The following DDX39B variants were observed in gnomAD, a reference collection of about 807,000 sequenced individuals.
DDX39B encodes the protein DExD-box helicase 39B.
In DDX39B, 6 loss-of-function variants were observed where a neutral mutation model predicts 46.4. The ratio of observed to expected loss-of-function variants is 0.13; its 90% CI spans 0.07 to 0.26. The LOEUF (loss-of-function observed/expected upper bound fraction) is 0.26. DDX39B is among the 10% of genes least tolerant of loss of function. The pLI is 1.00. For synonymous variants in DDX39B, 174 were observed against 199.4 expected (o/e 0.87, Z 1.07); for missense variants, 185 against 553.4 (o/e 0.33, Z 6.68).
chr6:31,531,486 G>GA lies in DDX39B; in HGVS notation c.868-82dup. The GA allele has an allele frequency of 8.4e-7, 1 of 1,190,314 alleles. No individual in the cohort carries two copies. Among genetic ancestry groups the GA allele is most frequent in the East Asian group, 2.4e-5 (1 of 41,998 alleles). 73.7% of individuals were successfully genotyped at this position (1,190,314 alleles called of 1,614,324 possible). On this transcript the variant is annotated intron_variant, in intron 7 of 10. Coordinates refer to ENST00000396172, the MANE Select transcript of DDX39B (RefSeq NM_004640.7). This position sits in a 1 kb window ranked among gnomAD's most constrained non-coding sequence, Gnocchi z 5.8. ...GTGAGAGACATTACGTGGGAGAGGGGAGTTTCTAGTAATTACGTTCTCAGG... is the reference window on the plus strand; with the variant it reads ...GTGAGAGACATTACGTGGGAGAGGGGAAGTTTCTAGTAATTACGTTCTCAGG...
rs1767120093 is a variant in DDX39B at position 31,531,226 on chromosome 6, T to C, written c.978-29A>G. 5 of 1,614,078 alleles carry C rather than the reference T, an allele frequency of 3.1e-6. No individual in the cohort carries two copies. The highest frequency in any genetic ancestry group is 4.2e-6 in the Non-Finnish European group (5 of 1,179,954). ...TGTGAGAAAGGAAATTTAAAACATG[T>C]TGAGATTCCCTTCTCTCAACTGTCT... is the stretch of plus-strand genomic sequence containing the variant. On this transcript the variant is annotated intron_variant, in intron 8 of 10. Transcript: ENST00000396172. This position sits in a 1 kb window ranked among gnomAD's most constrained non-coding sequence, Gnocchi z 5.8.
At position 31,535,845 on chromosome 6, in the gene DDX39B, G is replaced by A. The variant is rs1398635070; in HGVS notation, c.617-360C>T. 6.6e-6 allele frequency among the ~76,000 whole-genome samples: 1 copy of A among 152,102 alleles called. No homozygotes were observed. Among genetic ancestry groups the A allele is most frequent in the Non-Finnish European group, 1.5e-5 (1 of 68,006 alleles). On this transcript the variant is annotated intron_variant, in intron 5 of 10. Transcript: ENST00000396172. This position sits in a 1 kb window ranked among gnomAD's most constrained non-coding sequence, Gnocchi z 4.6. ...CACATATTATATTCCAGATATCAGA[G>A]TCCATCTATGACTCTCTGGATTACT...
intron 1 of DDX39B, chr6:31,541,175 T>A (rs373928218): frequency 1.9e-6 from 1 of 533,656 alleles, no homozygotes; most frequent in South Asian, 1.4e-5. Context: ...AAACATCATA[T>A]GGCCGCCGTC....
chr6:31,541,957 G>A lies in DDX39B; in HGVS notation c.-140C>T. ...GCGAAGGCCAAAGCTTACCTAAACA[G>A]GGAGAGCGCGTATGGCGGCAGCAAC... On this transcript the variant is annotated 5_prime_UTR_variant, in exon 1 of 11. Transcript: ENST00000396172. 6.0e-6 allele frequency: 4 copies of A among 671,218 alleles called. No individual in the cohort carries two copies. Among genetic ancestry groups the A allele is most frequent in the East Asian group, 2.7e-5 (1 of 36,596 alleles). The allele number at this position is 671,218 out of a possible 1,614,324, so 41.6% of individuals were successfully genotyped here.
Position 31,531,836 on chromosome 6 carries a change from A to AT in DDX39B, c.868-432_868-431insA. Reference sequence around the variant, plus strand: ...AGTATATTAATTAAACACTTTTTTGAGATGGGGTCTCACTCTGTCCCCCAG... The same window carrying AT: ...AGTATATTAATTAAACACTTTTTTGATGATGGGGTCTCACTCTGTCCCCCAG... On this transcript the variant is annotated intron_variant, in intron 7 of 10. Transcript: ENST00000396172. This position sits in a 1 kb window ranked among gnomAD's most constrained non-coding sequence, Gnocchi z 5.8. 5.8e-6 allele frequency: 1 copy of AT among 171,298 alleles called. No homozygotes were observed. Among genetic ancestry groups the AT allele is most frequent in the Non-Finnish European group, 1.3e-5 (1 of 78,900 alleles). The allele number at this position is 171,298 out of a possible 1,614,324, so 10.6% of individuals were successfully genotyped here.
At chr6:31,538,258 C>T (rs899227906) in intron 4 of DDX39B, among the ~76,000 whole-genome samples, 2 of 151,940 alleles carry the variant, frequency 1.3e-5, no homozygotes, top group Non-Finnish European at 2.9e-5. Context: ...TGGGTTCAAG[C>T]GATTCCCCTG....
chr6:31,535,330 C>T lies in DDX39B; in HGVS notation c.735+37G>A, dbSNP rs201097551. 2.8e-4 allele frequency: 445 copies of T among 1,586,160 alleles called. 5 individuals are homozygous for T. The highest frequency in any genetic ancestry group is 7.3e-5 in the Non-Finnish European group (84 of 1,155,574). ...GCGAGGAAGGGGAGGAGGCAGCGGG[C>T]GGGGAGTGGAGGGAGAGAAGGTAGA... is the stretch of plus-strand genomic sequence containing the variant. On this transcript the variant is annotated intron_variant, in intron 6 of 10. Transcript: ENST00000396172. This position sits in a 1 kb window ranked among gnomAD's most constrained non-coding sequence, Gnocchi z 4.6.
At chr6:31,541,833 C>A (rs1768514452) in intron 1 of DDX39B, 117 bp downstream of exon 1, 2 of 645,876 alleles carry the variant, frequency 3.1e-6, no homozygotes, top group Non-Finnish European at 5.7e-6. Flanking sequence ...AATAGCGAAC[C>A]AACTAGGCCC....
At chr6:31,540,008 C>T (rs539625783) in intron 2 of DDX39B, among the ~76,000 whole-genome samples, 3 of 152,208 alleles carry the variant, frequency 2.0e-5, no homozygotes, top group Non-Finnish European at 4.4e-5. Flanking sequence ...TCCTCACTGT[C>T]GCCCCGGCTG....
intron 2 of DDX39B, among the ~76,000 whole-genome samples, chr6:31,539,988 G>A (rs2516473): frequency 0.23 from 3,132 of 13,374 alleles, 55 homozygotes; most frequent in Admixed American, 0.36. Context: ...CTTATCCCCT[G>A]ATTTTTTCTT....
At chr6:31,541,591 AAAGG>A (rs776225173) in intron 1 of DDX39B, 1 of 469,290 alleles carries the variant, frequency 2.1e-6, no homozygotes, top group South Asian at 1.6e-5. Flanking sequence ...AGAGCTCAAG[AAAGG>A]ACAAGGAAGG....
Position 31,534,523 on chromosome 6 carries a change from C to CA in DDX39B, c.735+843dup. 1 of 469,308 alleles carries CA rather than the reference C, an allele frequency of 2.1e-6. No homozygotes were observed. Among genetic ancestry groups the CA allele is most frequent in the Non-Finnish European group, 4.4e-6 (1 of 226,658 alleles). The allele number at this position is 469,308 out of a possible 1,614,324, so 29.1% of individuals were successfully genotyped here. On this transcript the variant is annotated intron_variant, in intron 6 of 10. Coordinates refer to ENST00000396172, the MANE Select transcript of DDX39B (RefSeq NM_004640.7). This position sits in a 1 kb window ranked among gnomAD's most constrained non-coding sequence, Gnocchi z 5.1. Reference sequence around the variant, plus strand: ...CCTCTCCTCTGAGTATTAAAAAAAACAAAAAAATTTTTTTAAGAAAAAAAA... The same window carrying CA: ...CCTCTCCTCTGAGTATTAAAAAAAACAAAAAAAATTTTTTTAAGAAAAAAAA...
At chr6:31,541,506 G>A (rs537957206) in intron 1 of DDX39B, 1 of 392,488 alleles carries the variant, frequency 2.5e-6, no homozygotes, top group African/African-American at 2.1e-5. Context: ...AATTAAGTTG[G>A]GCAAGTCAAG....
chr6:31,541,511 G>A (rs1299572576), intron 1 of DDX39B: 2 of 398,440 alleles, frequency 5.0e-6, no homozygotes, highest in Non-Finnish European at 1.0e-5. Context: ...AGTTGGGCAA[G>A]TCAAGGTGAG....
intron 2 of DDX39B, among the ~76,000 whole-genome samples, chr6:31,540,039 G>A (rs9501148): frequency 5.9e-5 from 9 of 152,060 alleles, no homozygotes; most frequent in African/African-American, 1.7e-4. Flanking sequence ...GTGCAATCAC[G>A]GCTCACTGAA....
intron 2 of DDX39B, 133 bp from the exon 3 acceptor site, chr6:31,539,407 C>T: frequency 7.5e-7 from 1 of 1,327,172 alleles, no homozygotes; most frequent in Non-Finnish European, 1.0e-6. Context: ...TGCCAACTTC[C>T]AGACCCATTT....
intron 1 of DDX39B, chr6:31,541,688 G>A (rs1048690910): frequency 1.3e-5 from 7 of 522,282 alleles, no homozygotes; most frequent in Non-Finnish European, 2.3e-5. Flanking sequence ...CCTCCAATAT[G>A]AGAAGAACCC....
intron 1 of DDX39B, 103 bp from the exon 2 acceptor site, chr6:31,540,767 C>T: frequency 1.7e-6 from 1 of 572,390 alleles, no homozygotes. Context: ...GAAACTTTTA[C>T]CTGGAAAGAA....
Position 31,532,929 on chromosome 6 carries a change from G to A in DDX39B, c.736-18C>T. ...TCCATTGGCTGGGGGGGAGGAAGGG[G>A]GTGGGGAACGGGAGGAGGGCAGAGT... On this transcript the variant is annotated intron_variant, in intron 6 of 10. Coordinates refer to ENST00000396172, the MANE Select transcript of DDX39B (RefSeq NM_004640.7). The A allele has an allele frequency of 4.4e-6, 5 of 1,137,758 alleles. No individual in the cohort carries two copies. Among genetic ancestry groups the A allele is most frequent in the Non-Finnish European group, 6.1e-6 (5 of 822,420 alleles). 70.5% of individuals were successfully genotyped at this position (1,137,758 alleles called of 1,614,324 possible).
Sources: gnomAD v4.1 joint callset for allele counts (sites outside exome capture counted in the v4.1 genomes callset) on GRCh38, gnomAD v4.1.1 for gene constraint, Gnocchi (gnomAD v3.1) non-coding constraint, MANE v1.5 for transcripts, NCBI Gene and HGNC (gene_info 2026-07-23, HGNC 2026-07-21) for gene names.